PLPPR5: variants seen among roughly 807,000 people sequenced by gnomAD.
PLPPR5 encodes phospholipid phosphatase-related protein type 5.
A neutral mutation model predicts 33.9 loss-of-function variants in PLPPR5; 16 were observed. The ratio of observed to expected loss-of-function variants is 0.47; its 90% CI spans 0.32 to 0.72. The LOEUF (loss-of-function observed/expected upper bound fraction) is 0.72, where lower values mean the gene tolerates loss of function less well. Among genes scored for constraint, PLPPR5 ranks in the 30% least tolerant of loss-of-function variants. The pLI is 0.03. For missense variants in PLPPR5, 301 were observed against 406.7 expected (o/e 0.74, Z 2.23); for synonymous variants, 163 against 150.3 (o/e 1.08, Z -0.62).
intron 4 of PLPPR5, among the ~76,000 whole-genome samples, chr1:98,915,980 A>G (rs1649329973): frequency 6.6e-6 from 1 of 152,236 alleles, no homozygotes; most frequent in African/African-American, 2.4e-5. Context: ...AAATCAAAAT[A>G]CAGGCCTCAT....
chr1:98,958,931 C>G lies in PLPPR5; in HGVS notation c.238-2190G>C, dbSNP rs559339953. Reference sequence around the variant, plus strand: ...GCAGCTTCCACGGGGTCTCCATCCCCTGGCAGGCCCCAACCCATGGTACAC... The same window carrying G: ...GCAGCTTCCACGGGGTCTCCATCCCGTGGCAGGCCCCAACCCATGGTACAC... On this transcript the variant is annotated intron_variant, in intron 1 of 5. Coordinates refer to ENST00000263177, the MANE Select transcript of PLPPR5 (RefSeq NM_001037317.2). Among the ~76,000 whole-genome samples the G allele has an allele frequency of 2.0e-5, 3 of 152,280 alleles. No homozygotes were observed. In the East Asian group the frequency reaches 5.8e-4, roughly 29 times the overall value.
intron 1 of PLPPR5, among the ~76,000 whole-genome samples, chr1:99,002,947 A>C (rs1407475660): frequency 1.3e-5 from 2 of 149,892 alleles, no homozygotes; most frequent in East Asian, 2.0e-4. Context: ...AAGGGCCCCC[A>C]AAAATCGACC....
intron 4 of PLPPR5, among the ~76,000 whole-genome samples, chr1:98,919,741 T>C (rs942071590): frequency 1.3e-5 from 2 of 152,188 alleles, no homozygotes; most frequent in Admixed American, 6.5e-5. Context: ...CTTTGTCTTA[T>C]TGTCCTGCAA....
chr1:98,928,436 T>G (rs1430124107), intron 3 of PLPPR5, among the ~76,000 whole-genome samples: 1 of 140,210 alleles, frequency 7.1e-6, no homozygotes, highest in Non-Finnish European at 1.7e-5. Context: ...TATTACTAAC[T>G]TATATTGATA....
intron 1 of PLPPR5, among the ~76,000 whole-genome samples, chr1:99,002,106 G>A (rs1652872542): frequency 6.6e-6 from 1 of 152,092 alleles, no homozygotes; most frequent in Non-Finnish European, 1.5e-5. Context: ...CTTGAGAAGA[G>A]TGGAGAGGCA....
intron 1 of PLPPR5, among the ~76,000 whole-genome samples, chr1:98,968,723 G>GA (rs935310477): frequency 2.0e-5 from 3 of 150,618 alleles, no homozygotes; most frequent in African/African-American, 4.9e-5. Context: ...CCATAAAAGT[G>GA]AAAAAAAAAT....
At chr1:98,921,018 T>A (rs1649534343) in intron 4 of PLPPR5, among the ~76,000 whole-genome samples, 1 of 152,086 alleles carries the variant, frequency 6.6e-6, no homozygotes, top group Admixed American at 6.6e-5. Flanking sequence ...ACTTTAAGAG[T>A]ATAATCAGAT....
chr1:98,994,352 T>C (rs1315398842), intron 1 of PLPPR5, among the ~76,000 whole-genome samples: 1 of 152,088 alleles, frequency 6.6e-6, no homozygotes, highest in African/African-American at 2.4e-5. Context: ...CCAAGTGTTT[T>C]AGATATTTCC....
chr1:98,957,647 A>C (rs1158785238), intron 1 of PLPPR5, among the ~76,000 whole-genome samples: 1 of 151,896 alleles, frequency 6.6e-6, no homozygotes, highest in Non-Finnish European at 1.5e-5. Context: ...CACACCTTTG[A>C]CTTTGAGAGC....
At chr1:98,995,031 G>A (rs1279364600) in intron 1 of PLPPR5, among the ~76,000 whole-genome samples, 1 of 152,038 alleles carries the variant, frequency 6.6e-6, no homozygotes, top group Non-Finnish European at 1.5e-5. Flanking sequence ...GCAGAAAAAA[G>A]GGAATGCTTA....
At chr1:98,901,468 TAAA>T (rs373871533) in intron 5 of PLPPR5, among the ~76,000 whole-genome samples, 1 of 151,802 alleles carries the variant, frequency 6.6e-6, no homozygotes, top group African/African-American at 2.4e-5. Context: ...AAATCCAAAT[TAAA>T]AAAAATTAGG....
chr1:98,982,725 G>T (rs995102600), intron 1 of PLPPR5, among the ~76,000 whole-genome samples: 2 of 152,034 alleles, frequency 1.3e-5, no homozygotes, highest in African/African-American at 4.8e-5. Context: ...CAACCTAAGG[G>T]ACCTGAATAT....
At chr1:98,964,399 G>A (rs1435208825) in intron 1 of PLPPR5, among the ~76,000 whole-genome samples, 3 of 152,110 alleles carry the variant, frequency 2.0e-5, no homozygotes, top group African/African-American at 7.2e-5. Context: ...CCAGTGGGAA[G>A]GATCAACGGG....
rs1648293207 is a variant in PLPPR5, at chr1:98,892,059, G to GT, written c.*1012dup. 1 of 152,064 alleles carries GT rather than the reference G, an allele frequency of 6.6e-6. No individual in the cohort carries two copies. The highest frequency in any genetic ancestry group is 2.1e-4 in the South Asian group (1 of 4,824). 9.4% of individuals were successfully genotyped at this position (152,064 alleles called of 1,614,324 possible). A position where few individuals can be genotyped will look rare whatever the true frequency, so the allele number is the denominator to read the frequency against. On this transcript the variant is annotated 3_prime_UTR_variant, in exon 6 of 6. Transcript: ENST00000263177. ...ATGAGGATTACATAAAATAATTGGTGTAAATATGCTTTGTAAACTATAAAG... is the reference window on the plus strand; with the variant it reads ...ATGAGGATTACATAAAATAATTGGTGTTAAATATGCTTTGTAAACTATAAAG...
intron 3 of PLPPR5, among the ~76,000 whole-genome samples, chr1:98,952,601 T>C (rs1280970584): frequency 1.3e-5 from 2 of 152,162 alleles, no homozygotes; most frequent in Non-Finnish European, 2.9e-5. Flanking sequence ...GAGAAAACGT[T>C]AAACGCTAAT....
upstream of PLPPR5, among the ~76,000 whole-genome samples, chr1:99,005,775 G>C (rs935044547): frequency 1.3e-5 from 2 of 152,182 alleles, no homozygotes; most frequent in South Asian, 2.1e-4. Flanking sequence ...CTGGCTCACA[G>C]CACATGCATA....
At chr1:98,964,211 A>G (rs1651353761) in intron 1 of PLPPR5, among the ~76,000 whole-genome samples, 1 of 152,182 alleles carries the variant, frequency 6.6e-6, no homozygotes. Context: ...TTCTTTGATA[A>G]AACTTCCTTT....
chr1:98,922,560 T>C (rs1649605886), intron 3 of PLPPR5, among the ~76,000 whole-genome samples: 1 of 152,240 alleles, frequency 6.6e-6, no homozygotes, highest in Non-Finnish European at 1.5e-5. Context: ...AATAGATTTC[T>C]ACCAAACAGA....
At chr1:98,917,669 C>T (rs781430928) in intron 4 of PLPPR5, among the ~76,000 whole-genome samples, 1 of 152,180 alleles carries the variant, frequency 6.6e-6, no homozygotes, top group Non-Finnish European at 1.5e-5. Context: ...TTCACTTCCT[C>T]GTGGATGCCT....
Sources: gnomAD v4.1 joint callset for allele counts (sites outside exome capture counted in the v4.1 genomes callset) on GRCh38, gnomAD v4.1.1 for gene constraint, MANE v1.5 for transcripts, NCBI Gene and HGNC (gene_info 2026-07-23, HGNC 2026-07-21) for gene names.